COL19A1: variants seen among roughly 807,000 people sequenced by gnomAD.
The protein encoded by COL19A1 is collagen type XIX alpha 1 chain.
In COL19A1, 159 loss-of-function variants were observed where a neutral mutation model predicts 190.2. The ratio of observed to expected loss-of-function variants is 0.84; its 90% CI spans 0.73 to 0.95. The LOEUF is 0.95. COL19A1 is among the 40% of genes least tolerant of loss of function. The probability of loss-of-function intolerance (pLI) is 0.00; values close to 1 mark genes in which losing one functional copy is unlikely to be tolerated. For synonymous variants in COL19A1, 509 were observed against 458.9 expected (o/e 1.11, Z -1.39); for missense variants, 1,418 against 1,431.9 (o/e 0.99, Z 0.16).
At chr6:70,079,966 A>C (rs1179897260) in intron 15 of COL19A1, among the ~76,000 whole-genome samples, 2 of 152,204 alleles carry the variant, frequency 1.3e-5, no homozygotes, top group Non-Finnish European at 2.9e-5. Context: ...AACAAACAAT[A>C]ATAAATTATC....
intron 14 of COL19A1, among the ~76,000 whole-genome samples, chr6:70,062,445 C>T (rs1237712390): frequency 6.6e-6 from 1 of 151,984 alleles, no homozygotes. Context: ...GATTTTGTCA[C>T]CACCAGGCCT....
chr6:69,921,307 C>CAT (rs1434857954), intron 4 of COL19A1, among the ~76,000 whole-genome samples: 1 of 127,028 alleles, frequency 7.9e-6, no homozygotes, highest in African/African-American at 3.0e-5. Flanking sequence ...TATCATATAT[C>CAT]ATATATCATA....
chr6:69,902,060 T>C (rs572644561), intron 4 of COL19A1, among the ~76,000 whole-genome samples: 5 of 152,336 alleles, frequency 3.3e-5, no homozygotes, highest in Non-Finnish European at 7.4e-5. Context: ...TCTCTGGTTC[T>C]GTGGAGCAGA....
chr6:70,009,253 T>A (rs1777832021), intron 11 of COL19A1, among the ~76,000 whole-genome samples: 1 of 152,004 alleles, frequency 6.6e-6, no homozygotes, highest in Admixed American at 6.6e-5. Flanking sequence ...ATGTAAAAAA[T>A]TCTGAAGAAT....
chr6:69,976,218 A>G (rs1415752347), intron 11 of COL19A1, among the ~76,000 whole-genome samples: 2 of 152,096 alleles, frequency 1.3e-5, no homozygotes, highest in Non-Finnish European at 2.9e-5. Context: ...TCTGCCCTTA[A>G]TCTGTCCTCT....
At chr6:70,142,128 C>T in intron 22 of COL19A1, 52 bp downstream of exon 22, 1 of 1,526,318 alleles carries the variant, frequency 6.6e-7, no homozygotes, top group Non-Finnish European at 9.0e-7. Context: ...GAATTGTAGC[C>T]ATTCTGTGTA....
chr6:70,138,185 A>G (rs998464831), intron 19 of COL19A1, among the ~76,000 whole-genome samples: 5 of 152,184 alleles, frequency 3.3e-5, no homozygotes, highest in South Asian at 2.1e-4. Flanking sequence ...TATCCAAAAG[A>G]AATTGGAAAC....
intron 49 of COL19A1, among the ~76,000 whole-genome samples, chr6:70,202,597 T>C (rs961230917): frequency 6.6e-6 from 1 of 152,014 alleles, no homozygotes; most frequent in Admixed American, 6.6e-5. Context: ...TATAAAGGGG[T>C]TTCATAAGGT....
chr6:70,122,380 C>A (rs1784932931), intron 17 of COL19A1, among the ~76,000 whole-genome samples: 1 of 147,992 alleles, frequency 6.8e-6, no homozygotes, highest in Admixed American at 6.8e-5. Flanking sequence ...GAGTCCCCAC[C>A]TTTCATGGGG....
chr6:69,972,280 T>C (rs1405847722), intron 11 of COL19A1, among the ~76,000 whole-genome samples: 2 of 152,242 alleles, frequency 1.3e-5, no homozygotes, highest in Non-Finnish European at 2.9e-5. Flanking sequence ...TTTAGCACTA[T>C]ACTGCACCTG....
intron 11 of COL19A1, among the ~76,000 whole-genome samples, chr6:69,964,981 A>C (rs186834130): frequency 5.8e-4 from 89 of 152,330 alleles, no homozygotes; most frequent in Middle Eastern, 6.8e-3. Flanking sequence ...TTTTTTCATG[A>C]GATAAATAAT....
intron 11 of COL19A1, among the ~76,000 whole-genome samples, chr6:69,965,081 C>T (rs1775015811): frequency 6.6e-6 from 1 of 152,162 alleles, no homozygotes. Flanking sequence ...GGATTACTCA[C>T]AACATAATTT....
At chr6:70,197,731 G>A (rs907027598) in intron 48 of COL19A1, among the ~76,000 whole-genome samples, 10 of 152,130 alleles carry the variant, frequency 6.6e-5, no homozygotes, top group African/African-American at 2.4e-5. Flanking sequence ...CACTCCTTGG[G>A]ACCAGCATCC....
At chr6:69,934,110 C>T (rs1253010087) in intron 7 of COL19A1, among the ~76,000 whole-genome samples, 2 of 151,968 alleles carry the variant, frequency 1.3e-5, no homozygotes, top group East Asian at 3.8e-4. Flanking sequence ...CAAAGCATAG[C>T]TTAAAGCATA....
At chr6:69,920,904 A>G (rs1027963534) in intron 4 of COL19A1, among the ~76,000 whole-genome samples, 1 of 133,876 alleles carries the variant, frequency 7.5e-6, no homozygotes, top group South Asian at 2.4e-4. Context: ...TCATATATAT[A>G]TATTCATCTA....
chr6:70,065,586 A>T (rs1781132496), intron 14 of COL19A1, among the ~76,000 whole-genome samples: 1 of 152,228 alleles, frequency 6.6e-6, no homozygotes, highest in South Asian at 2.1e-4. Context: ...AGCAATGGCA[A>T]CAAAAGCCAA....
At chr6:70,030,944 G>C (rs1562101432) in intron 12 of COL19A1, among the ~76,000 whole-genome samples, 1 of 152,152 alleles carries the variant, frequency 6.6e-6, no homozygotes, top group Non-Finnish European at 1.5e-5. Context: ...CACTCTTGCT[G>C]CCCATAATTT....
chr6:70,116,694 C>CT (rs1347585534), intron 16 of COL19A1, among the ~76,000 whole-genome samples: 1 of 151,882 alleles, frequency 6.6e-6, no homozygotes, highest in African/African-American at 2.4e-5. Flanking sequence ...CTGATCTCTA[C>CT]TTTTTTACAA....
At chr6:69,881,020 G>A (rs1339171333) in intron 2 of COL19A1, among the ~76,000 whole-genome samples, 1 of 152,184 alleles carries the variant, frequency 6.6e-6, no homozygotes, top group Admixed American at 6.5e-5. Flanking sequence ...AAATGTTCTT[G>A]ATGATAGCAA....
Sources: allele counts gnomAD v4.1 joint callset (sites outside exome capture counted in the v4.1 genomes callset), GRCh38; gene constraint gnomAD v4.1.1; transcripts MANE v1.5; gene names NCBI Gene and HGNC (gene_info 2026-07-23, HGNC 2026-07-21).